SLC7A2: variants seen among roughly 807,000 people sequenced by gnomAD.
SLC7A2 encodes solute carrier family 7 member 2.
In SLC7A2, 48 loss-of-function variants were observed where a neutral mutation model predicts 58.9. The observed-to-expected ratio is 0.82, with a 90% CI of 0.65 to 1.04. SLC7A2 has a LOEUF of 1.04. SLC7A2 is among the 50% of genes least tolerant of loss of function. The probability of loss-of-function intolerance (pLI) is 0.00; values close to 1 mark genes in which losing one functional copy is unlikely to be tolerated. For synonymous variants in SLC7A2, 363 were observed against 314.5 expected (o/e 1.15, Z -1.63); for missense variants, 1,029 against 818.8 (o/e 1.26, Z -3.13).
Position 17,554,650 on chromosome 8 carries a change from C to G in SLC7A2, c.1146C>G (p.Ser382=), listed in dbSNP as rs767463068. 7.4e-6 allele frequency: 12 copies of G among 1,613,272 alleles called. No homozygotes were observed. Among genetic ancestry groups the G allele is most frequent in the Non-Finnish European group, 1.0e-5 (12 of 1,179,766 alleles). ...TCAAATGTCTAGCTCAAATCAATTC[C>G]AAAACGAAGACACCAATAATTGCTA... ...LLFKCLAQIN[S]KTKTPIIATL... Residue 382 remains serine (S), a synonymous_variant, in exon 8 of 13, where the codon TCC becomes TCG. Coordinates refer to ENST00000494857, the MANE Select transcript of SLC7A2 (RefSeq NM_001370338.1).
At chr8:17,548,968 A>G in intron 5 of SLC7A2, 125 bp downstream of exon 5, 1 of 832,616 alleles carries the variant, frequency 1.2e-6, no homozygotes, top group East Asian at 2.6e-5. Context: ...ATAAGGAAAA[A>G]GAGATTTAAT....
chr8:17,557,396 A>G (rs1347179893), intron 8 of SLC7A2, among the ~76,000 whole-genome samples: 1 of 152,212 alleles, frequency 6.6e-6, no homozygotes, highest in Non-Finnish European at 1.5e-5. Context: ...GGGATTTGGT[A>G]TGCAGGACCA....
At chr8:17,541,546 G>C (rs1185439179) in intron 2 of SLC7A2, among the ~76,000 whole-genome samples, 1 of 152,042 alleles carries the variant, frequency 6.6e-6, no homozygotes, top group East Asian at 1.9e-4. Context: ...TTCTCCTTAG[G>C]CTTTTCTTCA....
chr8:17,518,523 A>C (rs1032585318), intron 2 of SLC7A2, among the ~76,000 whole-genome samples: 1 of 151,926 alleles, frequency 6.6e-6, no homozygotes, highest in Admixed American at 6.6e-5. Flanking sequence ...TCCTCAGCCT[A>C]GTGTTCATCA....
chr8:17,562,526 A>G (rs1373315296), intron 11 of SLC7A2, among the ~76,000 whole-genome samples: 1 of 151,942 alleles, frequency 6.6e-6, no homozygotes, highest in African/African-American at 2.4e-5. Flanking sequence ...TTTTCTGGTG[A>G]TAGGGTTTTG....
At chr8:17,499,077 C>T (rs1800056299) in intron 1 of SLC7A2, 1 of 152,194 alleles carries the variant, frequency 6.6e-6, no homozygotes, top group African/African-American at 2.4e-5. Flanking sequence ...GGTGGTCTAC[C>T]TTCTGTTCTC....
chr8:17,535,091 C>G (rs1801608757), intron 2 of SLC7A2, among the ~76,000 whole-genome samples: 1 of 152,138 alleles, frequency 6.6e-6, no homozygotes, highest in Non-Finnish European at 1.5e-5. Context: ...TTCTCAAATT[C>G]TACGTCTGGC....
intron 2 of SLC7A2, among the ~76,000 whole-genome samples, chr8:17,532,363 C>G (rs1231485579): frequency 6.6e-6 from 1 of 151,332 alleles, no homozygotes; most frequent in Non-Finnish European, 1.5e-5. Context: ...CCAGTGTGAG[C>G]ATGGAGTCCC....
rs752649159 is a variant in SLC7A2 at position 17,558,251 on chromosome 8, C to T, written c.1196-44C>T. 3.9e-6 allele frequency: 5 copies of T among 1,272,518 alleles called. No homozygotes were observed. In the South Asian group the frequency reaches 6.1e-5, roughly 15 times the overall value. 78.8% of individuals were successfully genotyped at this position (1,272,518 alleles called of 1,614,324 possible). ...GAACGTTAGTAACTGTATGGAATTT[C>T]CTCCTGGGCCGTTTACTTCACCGTT... On this transcript the variant is annotated intron_variant, in intron 8 of 12. Transcript: ENST00000494857.
upstream of SLC7A2, chr8:17,497,001 G>A (rs1360875727): frequency 9.1e-5 from 13 of 142,784 alleles, no homozygotes; most frequent in Admixed American, 2.8e-4. Context: ...GTCGCGTTCC[G>A]GGAGCGCGGA....
Position 17,554,903 on chromosome 8 carries a change from C to A in SLC7A2, c.1195+204C>A, listed in dbSNP as rs747004386. On this transcript the variant is annotated intron_variant, in intron 8 of 12. Transcript: ENST00000494857. ...CTGTCTATACCTGTCTAGAATAATC[C>A]TTAAAATAACTCATGTGTGGATTTT... 2.5e-6 allele frequency: 4 copies of A among 1,608,436 alleles called. No homozygotes were observed. The East Asian group carries it at 8.9e-5, about 36-fold the overall frequency.
intron 2 of SLC7A2, among the ~76,000 whole-genome samples, chr8:17,509,934 T>C (rs965430111): frequency 5.3e-5 from 8 of 151,998 alleles, no homozygotes; most frequent in African/African-American, 1.7e-4. Flanking sequence ...TAAGAGTGAA[T>C]TGAAGCCCGG....
intron 2 of SLC7A2, among the ~76,000 whole-genome samples, chr8:17,536,569 C>G (rs2517249): frequency 6.6e-6 from 1 of 152,174 alleles, no homozygotes; most frequent in Non-Finnish European, 1.5e-5. Flanking sequence ...ACAAACAATT[C>G]TACCTTATGT....
chr8:17,550,212 C>A, intron 5 of SLC7A2, 89 bp from the exon 6 acceptor site: 1 of 1,233,380 alleles, frequency 8.1e-7, no homozygotes, highest in Non-Finnish European at 1.2e-6. Context: ...TAAACACAAC[C>A]ACCTTCCAAG....
intron 2 of SLC7A2, chr8:17,538,747 A>G: frequency 8.2e-6 from 13 of 1,579,274 alleles, no homozygotes; most frequent in Non-Finnish European, 1.0e-5. Flanking sequence ...CTACTTATCT[A>G]TACGATTTAA....
At chr8:17,512,329 C>G (rs898726930) in intron 2 of SLC7A2, among the ~76,000 whole-genome samples, 1 of 152,062 alleles carries the variant, frequency 6.6e-6, no homozygotes, top group Non-Finnish European at 1.5e-5. Context: ...GGTGGATCAC[C>G]TGAGGTCAGG....
intron 12 of SLC7A2, 93 bp downstream of exon 12, chr8:17,563,804 T>C (rs1478375423): frequency 2.7e-6 from 2 of 748,842 alleles, no homozygotes; most frequent in Non-Finnish European, 4.6e-6. Context: ...AAAGGCTTTT[T>C]TTTCCCGCTT....
At chr8:17,503,207 C>G (rs922802384) in intron 2 of SLC7A2, among the ~76,000 whole-genome samples, 6 of 151,902 alleles carry the variant, frequency 3.9e-5, no homozygotes, top group African/African-American at 1.5e-4. Context: ...CCCGCCACCA[C>G]GCCCGGCTAA....
chr8:17,562,017 C>G lies in SLC7A2; in HGVS notation c.1578C>G (p.Ser526Arg), dbSNP rs777842836. The change falls in exon 11 of 13, where the codon AGC becomes AGG. Residue 526 changes from serine to arginine, a missense_variant. Transcript: ENST00000494857. Reference protein sequence around the residue: ...VHAITRLEAWSLALLALFLVL... With the variant: ...VHAITRLEAWRLALLALFLVL... ...CCATCACCAGGCTGGAGGCCTGGAG[C>G]CTCGCTCTCCTCGCGCTGTTTCTTG... is the stretch of plus-strand genomic sequence containing the variant. 6.8e-6 allele frequency: 11 copies of G among 1,613,910 alleles called. No homozygotes were observed. In the South Asian group the frequency reaches 1.2e-4, roughly 18 times the overall value.
Sources: allele counts gnomAD v4.1 joint callset (sites outside exome capture counted in the v4.1 genomes callset), GRCh38; gene constraint gnomAD v4.1.1; transcripts MANE v1.5; gene names NCBI Gene and HGNC (gene_info 2026-07-23, HGNC 2026-07-21).